CCSER1: variants seen among roughly 807,000 people sequenced by gnomAD.
CCSER1 encodes coiled-coil serine rich protein 1.
In CCSER1, 41 loss-of-function variants were observed where a neutral mutation model predicts 82.0. The observed-to-expected ratio is 0.50, with a 90% CI of 0.39 to 0.65. The LOEUF (loss-of-function observed/expected upper bound fraction) is 0.65, where lower values mean the gene tolerates loss of function less well. CCSER1 is among the 30% of genes least tolerant of loss of function. The pLI, the probability that CCSER1 is intolerant of heterozygous loss-of-function variation, is 0.00. For missense variants in CCSER1, 1,119 were observed against 1,064.2 expected, an observed-to-expected ratio of 1.05 and a Z score of -0.72; for synonymous variants, 414 against 383.9, an observed-to-expected ratio of 1.08 and a Z score of -0.92.
intron 9 of CCSER1, 33 bp from the exon 10 acceptor site, chr4:91,085,917 C>T: frequency 2.4e-6 from 3 of 1,232,226 alleles, no homozygotes; most frequent in Non-Finnish European, 3.5e-6. Context: ...TTCTTCGTTG[C>T]CAATAATAAT....
Position 91,098,037 on chromosome 4 carries a change from G to A in CCSER1, c.2217+12043G>A, listed in dbSNP as rs531313090. On this transcript the variant is annotated intron_variant, in intron 10 of 10. Transcript: ENST00000509176. Reference sequence around the variant, plus strand: ...TAAAGAAACATAATTAGAGACAGTTGAAAAAGGCAGATTGAAAATCAATGT... The same window carrying A: ...TAAAGAAACATAATTAGAGACAGTTAAAAAAGGCAGATTGAAAATCAATGT... 5.9e-5 allele frequency among the ~76,000 whole-genome samples: 9 copies of A among 152,202 alleles called. No individual in the cohort carries two copies. In the South Asian group the frequency reaches 1.5e-3, roughly 25 times the overall value.
intron 10 of CCSER1, among the ~76,000 whole-genome samples, chr4:91,338,556 T>C (rs1470557655): frequency 6.6e-6 from 1 of 152,120 alleles, no homozygotes; most frequent in African/African-American, 2.4e-5. Context: ...TTATAATGCA[T>C]AGATACAACT....
At chr4:90,611,618 A>G (rs377166411) in intron 5 of CCSER1, among the ~76,000 whole-genome samples, 2 of 151,332 alleles carry the variant, frequency 1.3e-5, no homozygotes, top group South Asian at 2.1e-4. Flanking sequence ...GTGTGTATTA[A>G]TTAATAAGCC....
At chr4:91,332,231 A>G (rs1232919712) in intron 10 of CCSER1, among the ~76,000 whole-genome samples, 2 of 151,766 alleles carry the variant, frequency 1.3e-5, no homozygotes, top group Admixed American at 6.6e-5. Context: ...AAAAATTCTT[A>G]AAACAAAATC....
intron 5 of CCSER1, among the ~76,000 whole-genome samples, chr4:90,521,565 GC>G (rs1773138886): frequency 6.6e-6 from 1 of 151,942 alleles, no homozygotes; most frequent in Non-Finnish European, 1.5e-5. Flanking sequence ...ATGGCTCATA[GC>G]AAGAAAAAGA....
At chr4:90,215,302 A>G (rs1560811243) in intron 1 of CCSER1, among the ~76,000 whole-genome samples, 1 of 152,226 alleles carries the variant, frequency 6.6e-6, no homozygotes, top group Non-Finnish European at 1.5e-5. Context: ...TTCTTTGTAA[A>G]AGGTTTTCAA....
At chr4:90,751,123 A>G (rs17184618) in intron 7 of CCSER1, among the ~76,000 whole-genome samples, 2,228 of 152,220 alleles carry the variant, frequency 0.015, 33 homozygotes, top group Middle Eastern at 0.044. Flanking sequence ...ATATTCTAAA[A>G]TTTTCTCCTT....
At position 91,483,779 on chromosome 4, in the gene CCSER1, G is replaced by T. The variant is rs1157037217; in HGVS notation, c.2218-114793G>T. 5.3e-5 allele frequency among the ~76,000 whole-genome samples: 8 copies of T among 152,010 alleles called. No homozygotes were observed. The East Asian group carries it at 1.5e-3, about 29-fold the overall frequency. On this transcript the variant is annotated intron_variant, in intron 10 of 10. Coordinates refer to ENST00000509176, the MANE Select transcript of CCSER1 (RefSeq NM_001145065.2). Reference sequence around the variant, plus strand: ...TCCATTTTTATTATATCTTATTTTTGTCAAGAGTAATTTATTCTGAAATTC... The same window carrying T: ...TCCATTTTTATTATATCTTATTTTTTTCAAGAGTAATTTATTCTGAAATTC...
intron 9 of CCSER1, among the ~76,000 whole-genome samples, chr4:91,043,123 G>A (rs7655871): frequency 0.61 from 92,123 of 151,494 alleles, 28,319 homozygotes; most frequent in East Asian, 0.86. Context: ...ACACCAAAAC[G>A]AACAAAGAGA....
Position 91,170,944 on chromosome 4 carries a change from G to A in CCSER1, c.2217+84950G>A, listed in dbSNP as rs768981703. Reference sequence around the variant, plus strand: ...CAGCCTCAGCACCCTTGGATGCCATGCCTGAGCAAAATGAGAAGCTGCTGG... The same window carrying A: ...CAGCCTCAGCACCCTTGGATGCCATACCTGAGCAAAATGAGAAGCTGCTGG... On this transcript the variant is annotated intron_variant, in intron 10 of 10. Coordinates refer to ENST00000509176, the MANE Select transcript of CCSER1 (RefSeq NM_001145065.2). 9.9e-5 allele frequency among the ~76,000 whole-genome samples: 15 copies of A among 152,262 alleles called. No homozygotes were observed. In the South Asian group the frequency reaches 1.2e-3, roughly 13 times the overall value.
At chr4:91,476,697 C>CA (rs201972465) in intron 10 of CCSER1, among the ~76,000 whole-genome samples, 1,832 of 150,398 alleles carry the variant, frequency 0.012, 19 homozygotes, top group Middle Eastern at 0.021. Context: ...GGCAAAAAAA[C>CA]AAAAAAAACC....
At chr4:91,213,593 GC>G (rs1383486737) in intron 10 of CCSER1, among the ~76,000 whole-genome samples, 1 of 152,114 alleles carries the variant, frequency 6.6e-6, no homozygotes, top group Non-Finnish European at 1.5e-5. Flanking sequence ...AGTCCACAAG[GC>G]TTTTGTGGGG....
intron 10 of CCSER1, among the ~76,000 whole-genome samples, chr4:91,356,641 C>T (rs568140106): frequency 2.0e-5 from 3 of 152,238 alleles, no homozygotes; most frequent in Admixed American, 2.0e-4. Context: ...AGTAAAAGTC[C>T]ACCACAATAC....
At chr4:90,992,496 G>A (rs1737126398) in intron 9 of CCSER1, among the ~76,000 whole-genome samples, 1 of 151,922 alleles carries the variant, frequency 6.6e-6, no homozygotes, top group African/African-American at 2.4e-5. Context: ...GTTTGTTTTG[G>A]GTTAGGAATT....
chr4:91,380,323 A>AT (rs1363130373), intron 10 of CCSER1, among the ~76,000 whole-genome samples: 1 of 151,960 alleles, frequency 6.6e-6, no homozygotes, highest in African/African-American at 2.4e-5. Flanking sequence ...TGTCTCATTG[A>AT]TCTGTCTAAT....
chr4:91,272,230 A>G (rs1329997441), intron 10 of CCSER1, among the ~76,000 whole-genome samples: 3 of 152,140 alleles, frequency 2.0e-5, no homozygotes, highest in Admixed American at 6.5e-5. Flanking sequence ...CAGTGTAAAA[A>G]TGTTTCCTGT....
intron 8 of CCSER1, among the ~76,000 whole-genome samples, chr4:90,841,102 C>T (rs1189937084): frequency 6.6e-6 from 1 of 151,426 alleles, no homozygotes; most frequent in Non-Finnish European, 1.5e-5. Context: ...GCTTTTCCTG[C>T]ACTTTGGCAG....
intron 10 of CCSER1, among the ~76,000 whole-genome samples, chr4:91,356,140 T>C (rs1271901191): frequency 6.6e-6 from 1 of 152,210 alleles, no homozygotes. Flanking sequence ...GGCCAGTCTT[T>C]GGAAACCCCT....
chr4:91,165,110 G>C (rs1216767318), intron 10 of CCSER1, among the ~76,000 whole-genome samples: 1 of 152,144 alleles, frequency 6.6e-6, no homozygotes. Context: ...CTACAGATGT[G>C]GTTTTGGTTC....
Sources: gnomAD v4.1 joint callset for allele counts (sites outside exome capture counted in the v4.1 genomes callset) on GRCh38, gnomAD v4.1.1 for gene constraint, MANE v1.5 for transcripts, NCBI Gene and HGNC (gene_info 2026-07-23, HGNC 2026-07-21) for gene names.